WAC: variants seen among roughly 807,000 people sequenced by gnomAD.
WAC encodes the protein WW domain-containing adapter protein with coiled-coil.
WAC carries 11 observed loss-of-function variants against 79.6 expected under a neutral mutation model. That is an observed-to-expected ratio of 0.14 (90% CI 0.09 to 0.23). The LOEUF (loss-of-function observed/expected upper bound fraction) is 0.23. Among genes scored for constraint, WAC ranks in the 10% least tolerant of loss-of-function variants. WAC has a pLI of 1.00. For synonymous variants in WAC, 304 were observed against 276.9 expected (o/e 1.10, Z -0.97); for missense variants, 728 against 773.5 (o/e 0.94, Z 0.70).
intron 3 of WAC, among the ~76,000 whole-genome samples, chr10:28,568,029 C>T (rs759059784): frequency 6.6e-6 from 1 of 152,196 alleles, no homozygotes; most frequent in Non-Finnish European, 1.5e-5. Flanking sequence ...TGAGCCACCT[C>T]GCCCGGCCTC....
At chr10:28,602,253 T>C (rs879389083) in intron 7 of WAC, among the ~76,000 whole-genome samples, 1 of 152,234 alleles carries the variant, frequency 6.6e-6, no homozygotes, top group Non-Finnish European at 1.5e-5. Flanking sequence ...TTATCTTTTG[T>C]GTGTATTAAC....
Position 28,542,943 on chromosome 10 carries a change from G to A in WAC, c.274+7186G>A, listed in dbSNP as rs1837140968. 5.9e-5 allele frequency among the ~76,000 whole-genome samples: 9 copies of A among 152,198 alleles called. No individual in the cohort carries two copies. In the South Asian group the frequency reaches 1.9e-3, roughly 31 times the overall value. On this transcript the variant is annotated intron_variant, in intron 3 of 13. Coordinates refer to ENST00000354911, the MANE Select transcript of WAC (RefSeq NM_016628.5). ...AGCTCCACCAGAAGAGGAAGTGAGA[G>A]TTTTAATGTTTTTATCCACCTTGTA...
At chr10:28,594,763 C>T (rs576611696) in intron 6 of WAC, among the ~76,000 whole-genome samples, 1 of 152,306 alleles carries the variant, frequency 6.6e-6, no homozygotes, top group South Asian at 2.1e-4. Flanking sequence ...AATTATTGTA[C>T]ATCACATGCT....
At chr10:28,600,991 C>G (rs1840616056) in intron 7 of WAC, among the ~76,000 whole-genome samples, 1 of 151,494 alleles carries the variant, frequency 6.6e-6, no homozygotes, top group Non-Finnish European at 1.5e-5. Flanking sequence ...CACCGAGGCT[C>G]TTGGAAGAAA....
chr10:28,608,092 G>A lies in WAC; in HGVS notation c.920-94G>A, dbSNP rs1268954586. ...GTAAGGGTTAAATGAGATTACTTAC[G>A]TTAGGTGCCTGGCACATGAGAGGTG... On this transcript the variant is annotated intron_variant, in intron 7 of 13. Coordinates refer to ENST00000354911, the MANE Select transcript of WAC (RefSeq NM_016628.5). 19 of 1,431,922 alleles carry A rather than the reference G, an allele frequency of 1.3e-5. No individual in the cohort carries two copies. The Admixed American group carries it at 2.0e-4, about 15-fold the overall frequency. The allele number at this position is 1,431,922 out of a possible 1,614,324, so 88.7% of individuals were successfully genotyped here. A position where few individuals can be genotyped will look rare whatever the true frequency, so the allele number is the denominator to read the frequency against.
rs531396571 is a variant in WAC, at chr10:28,575,399, A to G, written c.275-8000A>G. 3.3e-5 allele frequency among the ~76,000 whole-genome samples: 5 copies of G among 152,358 alleles called. No individual in the cohort carries two copies. In the East Asian group the frequency reaches 9.7e-4, roughly 29 times the overall value. ...ACTATGCTTAACATTTTCAGGAACTACCAGACTGTTTGCCAAAGCAGATGC... is the reference window on the plus strand; with the variant it reads ...ACTATGCTTAACATTTTCAGGAACTGCCAGACTGTTTGCCAAAGCAGATGC... On this transcript the variant is annotated intron_variant, in intron 3 of 13. Coordinates refer to ENST00000354911, the MANE Select transcript of WAC (RefSeq NM_016628.5).
chr10:28,544,403 C>G (rs575412102), intron 3 of WAC, among the ~76,000 whole-genome samples: 1 of 152,134 alleles, frequency 6.6e-6, no homozygotes, highest in Non-Finnish European at 1.5e-5. Flanking sequence ...TTCAGGCACT[C>G]GCTAGCTAGA....
chr10:28,587,377 G>T (rs1463292088), intron 4 of WAC, among the ~76,000 whole-genome samples: 2 of 152,158 alleles, frequency 1.3e-5, no homozygotes, highest in East Asian at 3.8e-4. Context: ...TTGAGCCTCT[G>T]GGTAAACTTC....
At chr10:28,594,444 T>G (rs1214020140) in intron 6 of WAC, among the ~76,000 whole-genome samples, 1 of 152,252 alleles carries the variant, frequency 6.6e-6, no homozygotes, top group Non-Finnish European at 1.5e-5. Context: ...TATATATTAC[T>G]ATCATACAAC....
chr10:28,605,792 T>C (rs1403939517), intron 7 of WAC, among the ~76,000 whole-genome samples: 1 of 152,198 alleles, frequency 6.6e-6, no homozygotes, highest in Admixed American at 6.5e-5. Flanking sequence ...CCTTGCACTT[T>C]CTTCTCCAAC....
intron 3 of WAC, among the ~76,000 whole-genome samples, chr10:28,551,300 T>A (rs896422191): frequency 2.6e-5 from 4 of 152,186 alleles, no homozygotes; most frequent in Admixed American, 2.6e-4. Flanking sequence ...CTAAACTGAC[T>A]ATAATGATGT....
At chr10:28,568,563 A>G (rs1483661179) in intron 3 of WAC, among the ~76,000 whole-genome samples, 2 of 151,480 alleles carry the variant, frequency 1.3e-5, no homozygotes, top group Non-Finnish European at 2.9e-5. Context: ...TTTTTTTAAT[A>G]CTTCAAGTTC....
At chr10:28,600,743 C>G (rs985442338) in intron 7 of WAC, among the ~76,000 whole-genome samples, 4 of 151,850 alleles carry the variant, frequency 2.6e-5, no homozygotes, top group Non-Finnish European at 4.4e-5. Flanking sequence ...TTTAAAACTT[C>G]TTTATAAAAA....
Position 28,533,549 on chromosome 10 carries a change from T to C in WAC, c.-31T>C. On this transcript the variant is annotated 5_prime_UTR_variant, in exon 1 of 14. Transcript: ENST00000354911. Reference sequence around the variant, plus strand: ...CGCCTTTCGCGGCCGCTCTCCCCCCTCCCCGACACACACTCACAGGCCGGG... The same window carrying C: ...CGCCTTTCGCGGCCGCTCTCCCCCCCCCCCGACACACACTCACAGGCCGGG... 1 of 1,287,604 alleles carries C rather than the reference T, an allele frequency of 7.8e-7. No individual in the cohort carries two copies. Among genetic ancestry groups the C allele is most frequent in the South Asian group, 1.5e-5 (1 of 66,870 alleles). 79.8% of individuals were successfully genotyped at this position (1,287,604 alleles called of 1,614,324 possible). A position where few individuals can be genotyped will look rare whatever the true frequency, so the allele number is the denominator to read the frequency against.
At position 28,611,494 on chromosome 10, in the gene WAC, T is replaced by C. The variant is rs1228408934; in HGVS notation, c.1289-280T>C. 3 of 1,374,108 alleles carry C rather than the reference T, an allele frequency of 2.2e-6. No homozygotes were observed. In the African/African-American group the frequency reaches 4.3e-5, roughly 20 times the overall value. 85.1% of individuals were successfully genotyped at this position (1,374,108 alleles called of 1,614,324 possible). A position where few individuals can be genotyped will look rare whatever the true frequency, so the allele number is the denominator to read the frequency against. On this transcript the variant is annotated intron_variant, in intron 9 of 13. Coordinates refer to ENST00000354911, the MANE Select transcript of WAC (RefSeq NM_016628.5). ...AGAAATAAGGATGGTGAGGAGGCCTTCCATGTGAGATTAGGTTCAGGCCTA... is the reference window on the plus strand; with the variant it reads ...AGAAATAAGGATGGTGAGGAGGCCTCCCATGTGAGATTAGGTTCAGGCCTA...
intron 3 of WAC, among the ~76,000 whole-genome samples, chr10:28,538,554 C>T (rs1263502445): frequency 6.9e-6 from 1 of 145,442 alleles, no homozygotes; most frequent in Non-Finnish European, 1.5e-5. Flanking sequence ...TGCACTCCAG[C>T]CTGGGAGACG....
At chr10:28,547,772 G>A (rs1323556308) in intron 3 of WAC, among the ~76,000 whole-genome samples, 1 of 151,864 alleles carries the variant, frequency 6.6e-6, no homozygotes, top group African/African-American at 2.4e-5. Context: ...CTCCTACCCA[G>A]CTTGAAAATT....
intron 3 of WAC, among the ~76,000 whole-genome samples, chr10:28,568,548 T>A (rs1042092336): frequency 2.0e-5 from 3 of 146,872 alleles, no homozygotes; most frequent in African/African-American, 7.4e-5. Flanking sequence ...GCCAGGCTAA[T>A]TTTTTTTTTT....
intron 11 of WAC, 197 bp downstream of exon 11, chr10:28,614,882 G>A (rs1417767129): frequency 1.3e-5 from 5 of 393,922 alleles, no homozygotes; most frequent in South Asian, 1.3e-4. Flanking sequence ...AGTGAAGCCC[G>A]GGTTATTTTG....
Sources: allele counts gnomAD v4.1 joint callset (sites outside exome capture counted in the v4.1 genomes callset), GRCh38; gene constraint gnomAD v4.1.1; transcripts MANE v1.5; gene names NCBI Gene and HGNC (gene_info 2026-07-23, HGNC 2026-07-21).